NDRG1: variants seen among roughly 807,000 people sequenced by gnomAD.
NDRG1 encodes the protein protein NDRG1.
Under a neutral mutation model 56.9 loss-of-function variants are expected in NDRG1, and 32 were observed. The observed-to-expected ratio is 0.56, with a 90% CI of 0.42 to 0.76. The LOEUF (loss-of-function observed/expected upper bound fraction) is 0.76. NDRG1 is among the 30% of genes least tolerant of loss of function. The pLI is 0.00. For missense variants in NDRG1, 507 were observed against 545.7 expected, an observed-to-expected ratio of 0.93 and a Z score of 0.71; for synonymous variants, 211 against 204.1, an observed-to-expected ratio of 1.03 and a Z score of -0.29.
chr8:133,241,401 T>C (rs942357639), intron 15 of NDRG1: 1 of 159,330 alleles, frequency 6.3e-6, no homozygotes, highest in African/African-American at 2.4e-5. Context: ...ATGCTTCCAA[T>C]GTATCCTCCA....
chr8:133,245,754 C>T (rs546198097), intron 13 of NDRG1, among the ~76,000 whole-genome samples: 7 of 152,304 alleles, frequency 4.6e-5, no homozygotes, highest in South Asian at 4.1e-4. Flanking sequence ...TTGTGACAAC[C>T]GCCCTCAAAG....
At chr8:133,266,624 C>T (rs1350862141) in intron 3 of NDRG1, among the ~76,000 whole-genome samples, 1 of 152,220 alleles carries the variant, frequency 6.6e-6, no homozygotes, top group Non-Finnish European at 1.5e-5. Flanking sequence ...GCAGCCACCC[C>T]CACGCCATCC....
At chr8:133,294,634 G>A (rs1303397675) in intron 1 of NDRG1, among the ~76,000 whole-genome samples, 1 of 151,708 alleles carries the variant, frequency 6.6e-6, no homozygotes, top group African/African-American at 2.4e-5. Flanking sequence ...CGTAACCCAG[G>A]GGGGCCCTCA....
rs1210408167 is a variant in NDRG1, at chr8:133,254,567, T to C, written c.566A>G (p.Asp189Gly). The stretch of plus-strand genomic sequence containing the variant: ...CCCAAAAAGGTGGGACACCACCATG[T>C]CCGGCAGAGCTTGGGTCCATCCTGA... ...KISGWTQALP[D>G]MVVSHLFGKE... The change falls in exon 9 of 16, where the codon GAC becomes GGC. Residue 189 changes from aspartate (D) to glycine (G), a missense_variant. Coordinates refer to ENST00000323851, the MANE Select transcript of NDRG1 (RefSeq NM_006096.4). 1 of 1,614,010 alleles carries C rather than the reference T, an allele frequency of 6.2e-7. No homozygotes were observed. Among genetic ancestry groups the C allele is most frequent in the African/African-American group, 1.3e-5 (1 of 74,942 alleles).
At chr8:133,240,583 A>G (rs1388746064) in intron 15 of NDRG1, 1 of 152,102 alleles carries the variant, frequency 6.6e-6, no homozygotes, top group Non-Finnish European at 1.5e-5. Flanking sequence ...TCAAGCCAGC[A>G]CCCCGTGGTG....
At chr8:133,257,824 G>T (rs1210721956) in intron 7 of NDRG1, among the ~76,000 whole-genome samples, 1 of 152,106 alleles carries the variant, frequency 6.6e-6, no homozygotes, top group Non-Finnish European at 1.5e-5. Context: ...AATCATGTCA[G>T]TATTCCCAAC....
At chr8:133,284,133 T>C (rs759528884) in intron 2 of NDRG1, 116 bp downstream of exon 2, 4 of 900,494 alleles carry the variant, frequency 4.4e-6, no homozygotes, top group Non-Finnish European at 7.4e-6. Flanking sequence ...GCTGTATACA[T>C]GTGTATTTGT....
chr8:133,245,459 C>A (rs570832079), intron 13 of NDRG1, among the ~76,000 whole-genome samples: 1 of 152,056 alleles, frequency 6.6e-6, no homozygotes, highest in Admixed American at 6.6e-5. Context: ...CTAAAGCTAA[C>A]GGCTGATGTT....
rs569279826 is a variant in NDRG1 at position 133,237,954 on chromosome 8, G to C, written c.*924C>G. 8.6e-6 allele frequency: 2 copies of C among 233,084 alleles called. No individual in the cohort carries two copies. Among genetic ancestry groups the C allele is most frequent in the Admixed American group, 1.1e-4 (2 of 17,770 alleles). The allele number at this position is 233,084 out of a possible 1,614,324, so 14.4% of individuals were successfully genotyped here. A position where few individuals can be genotyped will look rare whatever the true frequency, so the allele number is the denominator to read the frequency against. ...CCCCAGTGCTCCTACTCCGGCCCCTGCAAGGACACTCATCACAGCCAGGGC... is the reference window on the plus strand; with the variant it reads ...CCCCAGTGCTCCTACTCCGGCCCCTCCAAGGACACTCATCACAGCCAGGGC... On this transcript the variant is annotated 3_prime_UTR_variant, in exon 16 of 16. Transcript: ENST00000323851.
chr8:133,248,068 C>G (rs1855791979), intron 11 of NDRG1, 142 bp from the exon 12 acceptor site: 2 of 773,516 alleles, frequency 2.6e-6, no homozygotes, highest in Non-Finnish European at 4.6e-6. Context: ...TTACTTCATT[C>G]TCCTTTGATC....
chr8:133,264,796 T>C (rs1856835086), intron 3 of NDRG1, 144 bp from the exon 4 acceptor site: 1 of 726,508 alleles, frequency 1.4e-6, no homozygotes, highest in Non-Finnish European at 2.4e-6. Flanking sequence ...GGGCAGCAGC[T>C]CTCTCTGGCC....
Position 133,238,075 on chromosome 8 carries a change from G to A in NDRG1, c.*803C>T, listed in dbSNP as rs1855158765. The A allele has an allele frequency of 4.3e-6, 1 of 233,034 alleles. No homozygotes were observed. Among genetic ancestry groups the A allele is most frequent in the South Asian group, 1.8e-4 (1 of 5,530 alleles). 14.4% of individuals were successfully genotyped at this position (233,034 alleles called of 1,614,324 possible). On this transcript the variant is annotated 3_prime_UTR_variant, in exon 16 of 16. Coordinates refer to ENST00000323851, the MANE Select transcript of NDRG1 (RefSeq NM_006096.4). The stretch of plus-strand genomic sequence containing the variant: ...ATAATCACTGGCTCATGTATCAGGG[G>A]TGGGAGGTTGGGGCTGTGGAGGAGA...
chr8:133,264,486 C>G, intron 4 of NDRG1, 61 bp downstream of exon 4: 1 of 1,507,410 alleles, frequency 6.6e-7, no homozygotes, highest in Non-Finnish European at 9.2e-7. Context: ...TTCTCGGCTG[C>G]CTTTTTCCGC....
At chr8:133,244,225 T>C in intron 14 of NDRG1, 130 bp downstream of exon 14, 1 of 1,186,396 alleles carries the variant, frequency 8.4e-7, no homozygotes, top group Non-Finnish European at 1.2e-6. Flanking sequence ...TAGCACCTTT[T>C]CCCAACAGTC....
At chr8:133,258,926 G>A in intron 6 of NDRG1, 1 of 587,464 alleles carries the variant, frequency 1.7e-6, no homozygotes, top group Non-Finnish European at 3.0e-6. Context: ...AAATGGGTGG[G>A]GCAGCTGCCA....
intron 9 of NDRG1, 118 bp from the exon 10 acceptor site, chr8:133,250,661 C>G (rs776351924): frequency 3.4e-6 from 3 of 892,194 alleles, no homozygotes; most frequent in Non-Finnish European, 3.7e-6. Flanking sequence ...GCCTAATCCA[C>G]AAGACAGCGA....
At chr8:133,284,072 G>A (rs139936017) in intron 2 of NDRG1, among the ~76,000 whole-genome samples, 177 bp downstream of exon 2, 1 of 152,358 alleles carries the variant, frequency 6.6e-6, no homozygotes, top group African/African-American at 2.4e-5. Flanking sequence ...ACGCATGTGT[G>A]TCTGTATGCT....
chr8:133,247,276 G>A (rs1855741246), intron 12 of NDRG1, among the ~76,000 whole-genome samples: 1 of 152,142 alleles, frequency 6.6e-6, no homozygotes, highest in Non-Finnish European at 1.5e-5. Context: ...GTTCACTAAG[G>A]CATGCCAGGT....
At position 133,258,359 on chromosome 8, in the gene NDRG1, C is replaced by T. The variant is rs1856487728; in HGVS notation, c.450+7G>A. On this transcript the variant is annotated splice_region_variant and intron_variant, in intron 7 of 15. Transcript: ENST00000323851. ...ATGCGATTTTCAAAAAATGCCAAAGCACTCACAGCAAATCGAGTTAGGATG... is the reference window on the plus strand; with the variant it reads ...ATGCGATTTTCAAAAAATGCCAAAGTACTCACAGCAAATCGAGTTAGGATG... 2 of 1,610,068 alleles carry T rather than the reference C, an allele frequency of 1.2e-6. No homozygotes were observed. Among genetic ancestry groups the T allele is most frequent in the South Asian group, 1.1e-5 (1 of 90,092 alleles).
Sources: allele counts gnomAD v4.1 joint callset (sites outside exome capture counted in the v4.1 genomes callset), GRCh38; gene constraint gnomAD v4.1.1; transcripts MANE v1.5; gene names NCBI Gene and HGNC (gene_info 2026-07-23, HGNC 2026-07-21).